SPATA31H1: variants seen among roughly 807,000 people sequenced by gnomAD.
The protein encoded by SPATA31H1 is spermatogenesis-associated protein 31H1.
At chr2:27,570,448 C>T in the SPATA31H1 span, 4 of 398,798 alleles carry the variant, frequency 1.0e-5, no homozygotes, top group Non-Finnish European at 1.8e-5. Context: ...GATCAAACTC[C>T]AGGATCAATG....
chr2:27,562,769 C>T, the SPATA31H1 span, among the ~76,000 whole-genome samples: 1 of 151,570 alleles, frequency 6.6e-6, no homozygotes, highest in South Asian at 2.1e-4. Context: ...CACATGTAGT[C>T]CCAGCTACTC....
the SPATA31H1 span, chr2:27,571,747 G>A: frequency 2.5e-6 from 1 of 398,492 alleles, no homozygotes; most frequent in Non-Finnish European, 4.4e-6. Flanking sequence ...AAGCTTCGAA[G>A]TTTAAAATCT....
chr2:27,550,995 T>C, the SPATA31H1 span, among the ~76,000 whole-genome samples: 1 of 151,898 alleles, frequency 6.6e-6, no homozygotes, highest in Non-Finnish European at 1.5e-5. Context: ...ATTCAAGTGA[T>C]TGTCCTGCCT....
At chr2:27,575,530 A>C in the SPATA31H1 span, 1 of 398,458 alleles carries the variant, frequency 2.5e-6, no homozygotes, top group African/African-American at 2.1e-5. The surrounding 1 kb of genome is among the most constrained non-coding windows in gnomAD (Gnocchi z 4.1). Context: ...CCTGGACCAC[A>C]GTTGCAAGGA....
chr2:27,582,582 C>A, the SPATA31H1 span: 1 of 1,502,978 alleles, frequency 6.7e-7, no homozygotes, highest in Non-Finnish European at 8.9e-7. Context: ...GCTGCCCTTT[C>A]CAGGCTTCTT....
chr2:27,548,997 C>A, the SPATA31H1 span, among the ~76,000 whole-genome samples: 1 of 149,950 alleles, frequency 6.7e-6, no homozygotes, highest in Non-Finnish European at 1.5e-5. Context: ...TTGCTTGAAC[C>A]CAGGAGGCGG....
At chr2:27,550,813 G>A in the SPATA31H1 span, among the ~76,000 whole-genome samples, 2 of 151,778 alleles carry the variant, frequency 1.3e-5, no homozygotes, top group Non-Finnish European at 2.9e-5. Context: ...ATTACACTGA[G>A]TTTTGAAAAC....
At chr2:27,570,006 G>C in the SPATA31H1 span, 88 of 398,782 alleles carry the variant, frequency 2.2e-4, no homozygotes, top group Non-Finnish European at 1.8e-5. Context: ...TTTTATCCCA[G>C]AGCCAACACA....
the SPATA31H1 span, chr2:27,582,380 C>T: frequency 1.2e-6 from 2 of 1,614,104 alleles, no homozygotes; most frequent in Non-Finnish European, 1.7e-6. Flanking sequence ...GACGCAGTCC[C>T]CTTAAGGAGG....
the SPATA31H1 span, among the ~76,000 whole-genome samples, chr2:27,541,756 A>G: frequency 1.3e-5 from 2 of 152,042 alleles, no homozygotes; most frequent in African/African-American, 4.8e-5. Context: ...TCAATATGGT[A>G]TCTGCTAATC....
the SPATA31H1 span, chr2:27,577,136 A>G: frequency 6.2e-7 from 1 of 1,614,118 alleles, no homozygotes; most frequent in Non-Finnish European, 8.5e-7. This position sits in a 1 kb window ranked among gnomAD's most constrained non-coding sequence, Gnocchi z 4.5. Context: ...TAACAGGTAG[A>G]GCTAAGGAAT....
At chr2:27,581,187 C>G in the SPATA31H1 span, 1 of 1,614,230 alleles carries the variant, frequency 6.2e-7, no homozygotes, top group Non-Finnish European at 8.5e-7. Context: ...ACACAAGGAG[C>G]ATAACCACCC....
the SPATA31H1 span, among the ~76,000 whole-genome samples, chr2:27,548,744 ATTTC>A: frequency 6.6e-6 from 1 of 151,392 alleles, no homozygotes; most frequent in Non-Finnish European, 1.5e-5. Context: ...CTCCATCTTC[ATTTC>A]TTTATTTTAT....
the SPATA31H1 span, among the ~76,000 whole-genome samples, chr2:27,555,648 C>T: frequency 1.5e-3 from 229 of 151,706 alleles, 4 homozygotes; most frequent in East Asian, 0.042. Context: ...CACTGCAGTG[C>T]GGTGCAGTTT....
At chr2:27,545,448 A>C in the SPATA31H1 span, among the ~76,000 whole-genome samples, 3 of 152,016 alleles carry the variant, frequency 2.0e-5, no homozygotes, top group Non-Finnish European at 4.4e-5. Flanking sequence ...TTGCTTGGTC[A>C]TGTGGTATAT....
the SPATA31H1 span, among the ~76,000 whole-genome samples, chr2:27,539,167 G>A: frequency 7.1e-6 from 1 of 140,752 alleles, no homozygotes; most frequent in Admixed American, 7.2e-5. Context: ...GGGGGATTTG[G>A]CAGGGTCATA....
chr2:27,576,919 T>TG, the SPATA31H1 span: 1 of 1,614,108 alleles, frequency 6.2e-7, no homozygotes, highest in Non-Finnish European at 8.5e-7. Flanking sequence ...TATCAAATCA[T>TG]GGAATCCTCT....
At chr2:27,539,673 TCAC>T in the SPATA31H1 span, among the ~76,000 whole-genome samples, 6 of 92,702 alleles carry the variant, frequency 6.5e-5, no homozygotes, top group African/African-American at 2.6e-4. Flanking sequence ...GAGGGGCTCC[TCAC>T]TTCCCAGTAG....
the SPATA31H1 span, chr2:27,566,055 G>A: frequency 5.6e-6 from 4 of 717,450 alleles, no homozygotes; most frequent in Non-Finnish European, 1.0e-5. Context: ...TCCACAGTGG[G>A]AAGAAAACCT....
Sources: gnomAD v4.1 joint callset for allele counts (sites outside exome capture counted in the v4.1 genomes callset) on GRCh38, gnomAD v4.1.1 for gene constraint, Gnocchi (gnomAD v3.1) non-coding constraint, MANE v1.5 for transcripts, NCBI Gene and HGNC (gene_info 2026-07-23, HGNC 2026-07-21) for gene names.